CNTN5: variants seen among roughly 807,000 people sequenced by gnomAD.
The protein encoded by CNTN5 is contactin-5.
Under a neutral mutation model 129.1 loss-of-function variants are expected in CNTN5, and 77 were observed. The ratio of observed to expected loss-of-function variants is 0.60; its 90% CI spans 0.50 to 0.72. The LOEUF (loss-of-function observed/expected upper bound fraction) is 0.72. Ranked by LOEUF, CNTN5 falls within the 30% of genes least tolerant of loss-of-function variation. The pLI is 0.00. For missense variants in CNTN5, 1,478 were observed against 1,328.8 expected (o/e 1.11, Z -1.75); for synonymous variants, 509 against 465.6 (o/e 1.09, Z -1.20).
chr11:99,321,690 T>C (rs1865577341), intron 1 of CNTN5, among the ~76,000 whole-genome samples: 1 of 152,170 alleles, frequency 6.6e-6, no homozygotes, highest in Non-Finnish European at 1.5e-5. Context: ...ACTCAAAAGC[T>C]ATTCCTTCCA....
chr11:99,641,426 G>C (rs10893644), intron 3 of CNTN5, among the ~76,000 whole-genome samples: 91,307 of 151,876 alleles, frequency 0.6, 28,285 homozygotes, highest in Admixed American at 0.69. Context: ...TCCCGGCCTG[G>C]TTCTCAAAGG....
chr11:99,503,806 A>G (rs1946514020), intron 2 of CNTN5, among the ~76,000 whole-genome samples: 1 of 152,128 alleles, frequency 6.6e-6, no homozygotes, highest in African/African-American at 2.4e-5. Flanking sequence ...ATGGCAAGGA[A>G]TTGTACCTCA....
chr11:99,841,514 A>AAT (rs1947490040), intron 4 of CNTN5, among the ~76,000 whole-genome samples: 2 of 151,834 alleles, frequency 1.3e-5, no homozygotes, highest in African/African-American at 4.8e-5. Flanking sequence ...ATAATTAGAT[A>AAT]ATATATATAC....
At chr11:100,042,914 G>A (rs1302893532) in intron 9 of CNTN5, among the ~76,000 whole-genome samples, 1 of 152,086 alleles carries the variant, frequency 6.6e-6, no homozygotes, top group Non-Finnish European at 1.5e-5. Context: ...ATGTGTAGTT[G>A]AACAGATATA....
chr11:99,316,376 G>A (rs1865342169), intron 1 of CNTN5, among the ~76,000 whole-genome samples: 1 of 152,058 alleles, frequency 6.6e-6, no homozygotes, highest in South Asian at 2.1e-4. Flanking sequence ...AGAGGGAAAT[G>A]GGTATAATAA....
intron 13 of CNTN5, among the ~76,000 whole-genome samples, chr11:100,161,584 C>T (rs1487608931): frequency 6.6e-6 from 1 of 151,254 alleles, no homozygotes; most frequent in Admixed American, 6.6e-5. Context: ...AAACTGACTT[C>T]ACATAGACAG....
chr11:99,341,504 A>T (rs1477007827), intron 2 of CNTN5, among the ~76,000 whole-genome samples: 2 of 152,164 alleles, frequency 1.3e-5, no homozygotes, highest in South Asian at 4.1e-4. Context: ...TAGTAATTCA[A>T]ACTGCATGAT....
chr11:100,196,492 A>G (rs1365939808), intron 15 of CNTN5, among the ~76,000 whole-genome samples: 14 of 152,038 alleles, frequency 9.2e-5, no homozygotes, highest in African/African-American at 3.1e-4. Flanking sequence ...TACATTGTAT[A>G]CATCCACATC....
intron 3 of CNTN5, among the ~76,000 whole-genome samples, chr11:99,740,785 A>G (rs1186120445): frequency 6.6e-6 from 1 of 152,188 alleles, no homozygotes; most frequent in African/African-American, 2.4e-5. Context: ...CTGAAGAAAT[A>G]TGGATATCTA....
intron 3 of CNTN5, among the ~76,000 whole-genome samples, chr11:99,667,966 C>A (rs1470011145): frequency 6.6e-6 from 1 of 151,932 alleles, no homozygotes; most frequent in Non-Finnish European, 1.5e-5. Context: ...AAAAAAAAAT[C>A]CTGGCTTTGG....
At chr11:99,866,381 C>G (rs1240108982) in intron 6 of CNTN5, among the ~76,000 whole-genome samples, 4 of 151,912 alleles carry the variant, frequency 2.6e-5, no homozygotes, top group African/African-American at 9.7e-5. Context: ...AATTACTTAC[C>G]TTGTGCTTGG....
intron 3 of CNTN5, among the ~76,000 whole-genome samples, chr11:99,703,117 C>T (rs12419165): frequency 0.03 from 4,516 of 150,566 alleles, 150 homozygotes; most frequent in East Asian, 0.2. Context: ...ACTTTAAAAT[C>T]CTTTAAAAAT....
At chr11:100,180,836 C>A (rs1318034648) in intron 13 of CNTN5, among the ~76,000 whole-genome samples, 1 of 151,876 alleles carries the variant, frequency 6.6e-6, no homozygotes, top group Non-Finnish European at 1.5e-5. Context: ...AGACAGCAAG[C>A]ACAGAAAAAG....
intron 1 of CNTN5, among the ~76,000 whole-genome samples, chr11:99,323,415 C>T (rs1198882565): frequency 6.6e-6 from 1 of 152,094 alleles, no homozygotes; most frequent in African/African-American, 2.4e-5. Context: ...AAAATGACAA[C>T]CATCACCACA....
chr11:100,176,179 C>A (rs1429753853), intron 13 of CNTN5, among the ~76,000 whole-genome samples: 1 of 151,920 alleles, frequency 6.6e-6, no homozygotes, highest in African/African-American at 2.4e-5. Context: ...GCCACCATGT[C>A]CAGCTAATTT....
chr11:99,288,243 T>A (rs1456028658), intron 1 of CNTN5, among the ~76,000 whole-genome samples: 2 of 151,904 alleles, frequency 1.3e-5, no homozygotes, highest in Non-Finnish European at 2.9e-5. Flanking sequence ...AAGATTATAT[T>A]ATCATTAAAG....
At chr11:100,152,404 G>T (rs552750029) in intron 13 of CNTN5, among the ~76,000 whole-genome samples, 7 of 152,076 alleles carry the variant, frequency 4.6e-5, no homozygotes, top group South Asian at 2.1e-4. Flanking sequence ...TCTAATTCAC[G>T]TACTGCCAAA....
intron 2 of CNTN5, among the ~76,000 whole-genome samples, chr11:99,437,191 G>A (rs1390072036): frequency 1.3e-5 from 2 of 152,132 alleles, no homozygotes; most frequent in African/African-American, 2.4e-5. Flanking sequence ...GCAAAGAGCG[G>A]TCGCTTACAC....
intron 3 of CNTN5, among the ~76,000 whole-genome samples, chr11:99,571,616 A>C (rs867600962): frequency 6.6e-6 from 1 of 152,176 alleles, no homozygotes; most frequent in Non-Finnish European, 1.5e-5. Flanking sequence ...TTCTTGCAAG[A>C]TCTTCACTGA....
Sources: gnomAD v4.1 joint callset for allele counts (sites outside exome capture counted in the v4.1 genomes callset) on GRCh38, gnomAD v4.1.1 for gene constraint, MANE v1.5 for transcripts, NCBI Gene and HGNC (gene_info 2026-07-23, HGNC 2026-07-21) for gene names.